TASP1: variants seen among roughly 807,000 people sequenced by gnomAD.
The protein encoded by TASP1 is taspase 1.
A neutral mutation model predicts 56.6 loss-of-function variants in TASP1; 16 were observed. The observed-to-expected ratio is 0.28, with a 90% confidence interval of 0.19 to 0.43. TASP1 has a LOEUF of 0.43. TASP1 is among the 20% of genes least tolerant of loss of function. The pLI is 1.00. For missense variants in TASP1, 393 were observed against 511.6 expected, an observed-to-expected ratio of 0.77 and a Z score of 2.24; for synonymous variants, 179 against 184.2, an observed-to-expected ratio of 0.97 and a Z score of 0.23.
At chr20:13,397,893 C>A (rs2041600244) in intron 13 of TASP1, among the ~76,000 whole-genome samples, 1 of 152,106 alleles carries the variant, frequency 6.6e-6, no homozygotes, top group Non-Finnish European at 1.5e-5. Flanking sequence ...TAAGGGGAGG[C>A]TATGGGTCAC....
At chr20:13,345,118 G>A in the TASP1 span, among the ~76,000 whole-genome samples, 78 of 151,828 alleles carry the variant, frequency 5.1e-4, no homozygotes, top group East Asian at 5.8e-4. Context: ...GTTTATTTTC[G>A]TTCAAAAAAA....
intron 10 of TASP1, among the ~76,000 whole-genome samples, chr20:13,493,021 G>A (rs559116929): frequency 1.3e-5 from 2 of 152,148 alleles, no homozygotes; most frequent in Non-Finnish European, 2.9e-5. Flanking sequence ...ATTTTATTGA[G>A]GATATAACCA....
chr20:13,217,859 C>T, the TASP1 span, among the ~76,000 whole-genome samples: 27 of 152,322 alleles, frequency 1.8e-4, no homozygotes, highest in African/African-American at 5.8e-4. Flanking sequence ...ATCTCACTTG[C>T]TCAAGGTTCA....
At chr20:13,145,295 G>A in the TASP1 span, among the ~76,000 whole-genome samples, 1 of 151,974 alleles carries the variant, frequency 6.6e-6, no homozygotes, top group African/African-American at 2.4e-5. Context: ...CAAAGTTGCA[G>A]GAAACAAAAT....
At chr20:13,159,398 G>T in the TASP1 span, among the ~76,000 whole-genome samples, 1 of 152,148 alleles carries the variant, frequency 6.6e-6, no homozygotes, top group Non-Finnish European at 1.5e-5. Flanking sequence ...ACAATCAGGA[G>T]ACCTTGCTAT....
At chr20:13,192,652 C>T in the TASP1 span, among the ~76,000 whole-genome samples, 2 of 152,048 alleles carry the variant, frequency 1.3e-5, no homozygotes, top group Non-Finnish European at 2.9e-5. Flanking sequence ...ACTCACCTCA[C>T]CCTCCCACAT....
chr20:13,265,387 TC>T, the TASP1 span, among the ~76,000 whole-genome samples: 1 of 152,344 alleles, frequency 6.6e-6, no homozygotes, highest in East Asian at 1.9e-4. Context: ...TTTCTGGATT[TC>T]TCTCCTTCAT....
the TASP1 span, among the ~76,000 whole-genome samples, chr20:13,216,943 C>T: frequency 6.6e-6 from 1 of 152,098 alleles, no homozygotes; most frequent in Non-Finnish European, 1.5e-5. Flanking sequence ...AATTCAGTCA[C>T]GAGCATAGGA....
chr20:13,306,854 G>A, the TASP1 span, among the ~76,000 whole-genome samples: 1 of 152,130 alleles, frequency 6.6e-6, no homozygotes, highest in South Asian at 2.1e-4. Flanking sequence ...AAAGAACGAG[G>A]TGTCCCATGC....
intron 10 of TASP1, among the ~76,000 whole-genome samples, chr20:13,523,603 G>A (rs930770184): frequency 1.3e-5 from 2 of 152,106 alleles, no homozygotes; most frequent in African/African-American, 4.8e-5. Context: ...CACTAGCTCA[G>A]AAATATTGAG....
At chr20:13,117,437 G>A in the TASP1 span, 1 of 1,414,282 alleles carries the variant, frequency 7.1e-7, no homozygotes, top group Non-Finnish European at 9.6e-7. Flanking sequence ...AGGATGTATT[G>A]ATGGGGAAAC....
intron 13 of TASP1, among the ~76,000 whole-genome samples, chr20:13,403,119 G>A (rs1049547086): frequency 6.6e-6 from 1 of 152,174 alleles, no homozygotes; most frequent in Admixed American, 6.5e-5. Context: ...TCAGGGAGGA[G>A]TGTCTTTTCT....
the TASP1 span, among the ~76,000 whole-genome samples, chr20:13,236,839 G>T: frequency 6.6e-6 from 1 of 152,266 alleles, no homozygotes; most frequent in African/African-American, 2.4e-5. Flanking sequence ...GATGCAAGAG[G>T]TGGGTTCCCA....
At chr20:13,223,849 C>T in the TASP1 span, among the ~76,000 whole-genome samples, 1 of 152,062 alleles carries the variant, frequency 6.6e-6, no homozygotes, top group Non-Finnish European at 1.5e-5. Flanking sequence ...CTCATGGACT[C>T]ATGAAAAGCC....
chr20:13,384,984 T>C (rs1453727580), downstream of TASP1, among the ~76,000 whole-genome samples: 1 of 152,236 alleles, frequency 6.6e-6, no homozygotes. Flanking sequence ...TGAGCGTTTA[T>C]AGGATTTATG....
chr20:13,202,425 C>T, the TASP1 span, among the ~76,000 whole-genome samples: 2 of 152,090 alleles, frequency 1.3e-5, no homozygotes, highest in African/African-American at 4.8e-5. Context: ...TTTAATTGTA[C>T]ATTTATGTAA....
chr20:13,316,227 G>C, the TASP1 span, among the ~76,000 whole-genome samples: 6 of 151,786 alleles, frequency 4.0e-5, no homozygotes, highest in Admixed American at 3.3e-4. Context: ...AACACAATCT[G>C]CCAAAATTCA....
the TASP1 span, among the ~76,000 whole-genome samples, chr20:13,273,023 A>G: frequency 6.6e-6 from 1 of 152,174 alleles, no homozygotes; most frequent in Admixed American, 6.5e-5. Flanking sequence ...TTACTAACGC[A>G]AAGTCATAGG....
the TASP1 span, among the ~76,000 whole-genome samples, chr20:13,188,506 T>C: frequency 1.3e-5 from 2 of 152,006 alleles, no homozygotes; most frequent in African/African-American, 4.8e-5. Flanking sequence ...CAATAAAAAC[T>C]ATAAAACACA....
Sources: allele counts gnomAD v4.1 joint callset (sites outside exome capture counted in the v4.1 genomes callset), GRCh38; gene constraint gnomAD v4.1.1; transcripts MANE v1.5; gene names NCBI Gene and HGNC (gene_info 2026-07-23, HGNC 2026-07-21).